Variants in PREP observed in about 807,000 individuals in gnomAD.
The protein encoded by PREP is prolyl endopeptidase.
In PREP, 29 loss-of-function variants were observed where a neutral mutation model predicts 87.6. That is an observed-to-expected ratio of 0.33 (90% CI 0.25 to 0.45). The LOEUF (loss-of-function observed/expected upper bound fraction) is 0.45, where lower values mean the gene tolerates loss of function less well. Among genes scored for constraint, PREP ranks in the 20% least tolerant of loss-of-function variants. The probability of loss-of-function intolerance (pLI) is 1.00; values close to 1 mark genes in which losing one functional copy is unlikely to be tolerated. For synonymous variants in PREP, 337 were observed against 328.6 expected (o/e 1.03, Z -0.28); for missense variants, 695 against 886.5 (o/e 0.78, Z 2.74).
At chr6:105,289,018 C>A in intron 10 of PREP, 124 bp from the exon 11 acceptor site, 1 of 896,362 alleles carries the variant, frequency 1.1e-6, no homozygotes, top group South Asian at 1.8e-5. Context: ...AACCTAGTAC[C>A]TCTCAAGGGC....
chr6:105,378,467 A>T (rs1236630862), intron 2 of PREP, among the ~76,000 whole-genome samples: 1 of 152,234 alleles, frequency 6.6e-6, no homozygotes, highest in Non-Finnish European at 1.5e-5. Flanking sequence ...TAAAACACAC[A>T]CAAAAACAAA....
intron 11 of PREP, among the ~76,000 whole-genome samples, chr6:105,287,971 T>G (rs980040072): frequency 5.9e-5 from 9 of 152,214 alleles, no homozygotes; most frequent in Admixed American, 6.5e-5. Flanking sequence ...CAGCACACAA[T>G]AGTCTAAAAT....
At chr6:105,335,664 G>A (rs560556338) in intron 7 of PREP, among the ~76,000 whole-genome samples, 24 of 152,076 alleles carry the variant, frequency 1.6e-4, no homozygotes, top group African/African-American at 4.3e-4. Context: ...GGACAAAGCC[G>A]GAAGACCATG....
chr6:105,396,812 T>C (rs965201026), intron 2 of PREP, among the ~76,000 whole-genome samples: 5 of 152,018 alleles, frequency 3.3e-5, no homozygotes, highest in Non-Finnish European at 5.9e-5. Flanking sequence ...TGGTTATAAA[T>C]AGAAGAATCC....
chr6:105,310,924 T>A (rs978092258), intron 10 of PREP, among the ~76,000 whole-genome samples: 1 of 152,162 alleles, frequency 6.6e-6, no homozygotes, highest in Non-Finnish European at 1.5e-5. Context: ...CCTAATCTCA[T>A]CCTACACAAC....
At chr6:105,303,225 C>A (rs1033258076) in intron 10 of PREP, among the ~76,000 whole-genome samples, 1 of 152,116 alleles carries the variant, frequency 6.6e-6, no homozygotes, top group Non-Finnish European at 1.5e-5. Flanking sequence ...CCACCACATG[C>A]AGCTAATTTT....
At position 105,370,017 on chromosome 6, in the gene PREP, C is replaced by T. The variant is rs190298489; in HGVS notation, c.596-993G>A. ...CTGTAATCCCAGCACTTTGGGAGGCCGAGGCAGGTGGATCACCTGAGGTCA... is the reference window on the plus strand; with the variant it reads ...CTGTAATCCCAGCACTTTGGGAGGCTGAGGCAGGTGGATCACCTGAGGTCA... On this transcript the variant is annotated intron_variant, in intron 5 of 14. Coordinates refer to ENST00000652536, the MANE Select transcript of PREP (RefSeq NM_002726.5). Among the ~76,000 whole-genome samples, 17 of 151,936 alleles carry T rather than the reference C, an allele frequency of 1.1e-4. No individual in the cohort carries two copies. In the East Asian group the frequency reaches 2.5e-3, roughly 22 times the overall value.
chr6:105,340,113 A>C (rs1771599485), intron 7 of PREP, among the ~76,000 whole-genome samples: 2 of 152,180 alleles, frequency 1.3e-5, no homozygotes, highest in Non-Finnish European at 1.5e-5. Context: ...GGTTGAAATG[A>C]AGGAAAAAAT....
rs1478371402 is a variant in PREP at position 105,273,950 on chromosome 6, A to G, written c.*4194T>C. ...CTTTGTCCGAATGTTGCTTCCTGAAAGAGGCACCCTGACCTCGACTCAAAT... is the reference window on the plus strand; with the variant it reads ...CTTTGTCCGAATGTTGCTTCCTGAAGGAGGCACCCTGACCTCGACTCAAAT... On this transcript the variant is annotated 3_prime_UTR_variant, in exon 15 of 15. Transcript: ENST00000652536. Among the ~76,000 whole-genome samples the G allele has an allele frequency of 1.3e-5, 2 of 152,176 alleles. No individual in the cohort carries two copies. The highest frequency in any genetic ancestry group is 2.9e-5 in the Non-Finnish European group (2 of 68,028).
intron 10 of PREP, chr6:105,298,110 G>A (rs545135725): frequency 4.6e-5 from 7 of 152,246 alleles, no homozygotes; most frequent in African/African-American, 9.6e-5. Flanking sequence ...TTCTTTAAAC[G>A]TTAGACTCTG....
chr6:105,382,850 T>C (rs1308370355), intron 2 of PREP, among the ~76,000 whole-genome samples: 1 of 152,158 alleles, frequency 6.6e-6, no homozygotes, highest in East Asian at 1.9e-4. Context: ...AGTGGTGCTA[T>C]CTACATCCCA....
chr6:105,304,345 C>A (rs1562193047), intron 10 of PREP, among the ~76,000 whole-genome samples: 2 of 152,108 alleles, frequency 1.3e-5, no homozygotes, highest in South Asian at 4.1e-4. Flanking sequence ...GGAACCAATC[C>A]CCTGTGGAAT....
chr6:105,383,255 A>T (rs1772895315), intron 2 of PREP, among the ~76,000 whole-genome samples: 1 of 71,958 alleles, frequency 1.4e-5, no homozygotes, highest in South Asian at 4.2e-4. Flanking sequence ...TCTACCATTA[A>T]AAAAAAAAAA....
At position 105,323,206 on chromosome 6, in the gene PREP, A is replaced by C. The variant is rs1771059699; in HGVS notation, c.1317+459T>G. 11 of 1,065,736 alleles carry C rather than the reference A, an allele frequency of 1.0e-5. No homozygotes were observed. The South Asian group carries it at 1.3e-4, about 13-fold the overall frequency. The allele number at this position is 1,065,736 out of a possible 1,614,324, so 66.0% of individuals were successfully genotyped here. A position where few individuals can be genotyped will look rare whatever the true frequency, so the allele number is the denominator to read the frequency against. ...GACAATTAATTAATTTATTCATTCA[A>C]ATGTTTTATTGAGTGTCTACTCTGT... On this transcript the variant is annotated intron_variant, in intron 10 of 14. Transcript: ENST00000652536.
chr6:105,400,601 C>A (rs1773401934), intron 1 of PREP, among the ~76,000 whole-genome samples: 1 of 152,170 alleles, frequency 6.6e-6, no homozygotes, highest in South Asian at 2.1e-4. Flanking sequence ...AAATTAGTCC[C>A]ATCCTCTTCT....
chr6:105,328,065 C>CCCATGTTTT (rs1402687513), intron 9 of PREP, among the ~76,000 whole-genome samples: 4 of 152,136 alleles, frequency 2.6e-5, no homozygotes, highest in Non-Finnish European at 4.4e-5. Context: ...CCAAATAACA[C>CCCATGTTTT]CCATGTTTTC....
intron 6 of PREP, among the ~76,000 whole-genome samples, chr6:105,360,739 G>A (rs1413884082): frequency 6.6e-6 from 1 of 152,158 alleles, no homozygotes; most frequent in Non-Finnish European, 1.5e-5. Context: ...AAAAATCACA[G>A]AATTTAGAGG....
intron 7 of PREP, among the ~76,000 whole-genome samples, chr6:105,344,260 G>A (rs1267588244): frequency 6.6e-6 from 1 of 152,148 alleles, no homozygotes; most frequent in Admixed American, 6.5e-5. Flanking sequence ...GGGAGGCCGA[G>A]GCAGGCGGAT....
intron 6 of PREP, among the ~76,000 whole-genome samples, chr6:105,361,159 C>T (rs1772238476): frequency 6.6e-6 from 1 of 152,034 alleles, no homozygotes; most frequent in Admixed American, 6.6e-5. Context: ...TTCCAAATGA[C>T]CAAAGTAAAC....
Sources: gnomAD v4.1 joint callset for allele counts (sites outside exome capture counted in the v4.1 genomes callset) on GRCh38, gnomAD v4.1.1 for gene constraint, MANE v1.5 for transcripts, NCBI Gene and HGNC (gene_info 2026-07-23, HGNC 2026-07-21) for gene names.